The following PTPRG variants were observed in gnomAD, a reference collection of about 807,000 sequenced individuals.
PTPRG encodes protein tyrosine phosphatase receptor type G, also known as receptor-type tyrosine-protein phosphatase gamma.
In PTPRG, 102 loss-of-function variants were observed where a neutral mutation model predicts 165.3. The ratio of observed to expected loss-of-function variants is 0.62; its 90% CI spans 0.53 to 0.73. The LOEUF is 0.73. Ranked by LOEUF, PTPRG falls within the 30% of genes least tolerant of loss-of-function variation. The pLI, the probability that PTPRG is intolerant of heterozygous loss-of-function variation, is 0.00. For missense variants in PTPRG, 1,866 were observed against 1,861.4 expected (o/e 1.00, Z -0.05); for synonymous variants, 675 against 669.5 (o/e 1.01, Z -0.13).
At chr3:61,563,374 C>T (rs966432458) in intron 1 of PTPRG, among the ~76,000 whole-genome samples, 2 of 152,160 alleles carry the variant, frequency 1.3e-5, no homozygotes, top group African/African-American at 2.4e-5. Context: ...CGACCCTCCA[C>T]TTCCAGCTCT....
intron 2 of PTPRG, among the ~76,000 whole-genome samples, chr3:61,853,982 A>G (rs1559649968): frequency 6.6e-6 from 1 of 152,206 alleles, no homozygotes; most frequent in Non-Finnish European, 1.5e-5. Flanking sequence ...GGCCACATCA[A>G]AGTCCTTCCT....
intron 1 of PTPRG, among the ~76,000 whole-genome samples, chr3:61,687,986 A>C (rs1202129074): frequency 6.6e-6 from 1 of 152,166 alleles, no homozygotes; most frequent in Non-Finnish European, 1.5e-5. Context: ...AGCTTTTCCA[A>C]GTTTCTTAGC....
chr3:61,710,129 G>A (rs1189458050), intron 1 of PTPRG, among the ~76,000 whole-genome samples: 1 of 152,178 alleles, frequency 6.6e-6, no homozygotes, highest in African/African-American at 2.4e-5. Context: ...ACAAAATCAT[G>A]CACTAAGCAC....
At chr3:62,184,272 G>C (rs1047548619) in intron 8 of PTPRG, among the ~76,000 whole-genome samples, 5 of 152,168 alleles carry the variant, frequency 3.3e-5, no homozygotes, top group African/African-American at 1.2e-4. Context: ...ACTGGAGCTG[G>C]GGTCCTGCTT....
chr3:62,092,162 G>A (rs374942841), intron 5 of PTPRG, among the ~76,000 whole-genome samples: 2 of 148,948 alleles, frequency 1.3e-5, no homozygotes, highest in African/African-American at 5.0e-5. Flanking sequence ...AGGACCGGCC[G>A]GGTCCAGCTG....
In PTPRG at chr3:61,562,130, C is replaced by G. The variant is rs1311404052; in HGVS notation, c.-158C>G. ...TTTTCCGGGGGGCGCTCGGCGGCTT[C>G]CCGGATTCCAAGGGGACTCGGGCCG... is the stretch of plus-strand genomic sequence containing the variant. On this transcript the variant is annotated 5_prime_UTR_variant, in exon 1 of 30. Transcript: ENST00000474889. 1.0e-5 allele frequency: 5 copies of G among 477,468 alleles called. No homozygotes were observed. Among genetic ancestry groups the G allele is most frequent in the Non-Finnish European group, 1.9e-5 (5 of 261,028 alleles). The allele number at this position is 477,468 out of a possible 1,614,324, so 29.6% of individuals were successfully genotyped here. A position where few individuals can be genotyped will look rare whatever the true frequency, so the allele number is the denominator to read the frequency against.
At chr3:61,997,040 C>T (rs1036653579) in intron 3 of PTPRG, among the ~76,000 whole-genome samples, 1 of 152,210 alleles carries the variant, frequency 6.6e-6, no homozygotes, top group Non-Finnish European at 1.5e-5. Context: ...ACTCCTCCAT[C>T]TTTCGTGTCT....
intron 1 of PTPRG, among the ~76,000 whole-genome samples, chr3:61,704,941 A>G (rs1263904839): frequency 6.6e-6 from 1 of 152,194 alleles, no homozygotes; most frequent in African/African-American, 2.4e-5. Flanking sequence ...TTTGCAGCTC[A>G]GCTTCCCTGG....
intron 8 of PTPRG, among the ~76,000 whole-genome samples, chr3:62,181,206 T>C (rs1559612465): frequency 6.6e-6 from 1 of 152,160 alleles, no homozygotes; most frequent in African/African-American, 2.4e-5. Flanking sequence ...TGGGGGCAAC[T>C]CCGCACCAGG....
At position 61,737,640 on chromosome 3, in the gene PTPRG, G is replaced by T. The variant is rs77217865; in HGVS notation, c.86-11238G>T. ...TCAGAGGTCTTTGGTTTTACTCGGG[G>T]GAGAGTTTTGGAATGAGGTCCACCC... On this transcript the variant is annotated intron_variant, in intron 1 of 29. Transcript: ENST00000474889. Among the ~76,000 whole-genome samples, 1,218 of 152,122 alleles carry T rather than the reference G, an allele frequency of 8.0e-3. 23 individuals are homozygous for T. Among genetic ancestry groups the T allele is most frequent in the African/African-American group, 0.027 (1,138 of 41,502 alleles).
At chr3:61,957,005 A>G (rs941403670) in intron 2 of PTPRG, among the ~76,000 whole-genome samples, 3 of 152,180 alleles carry the variant, frequency 2.0e-5, no homozygotes, top group African/African-American at 7.2e-5. Context: ...AGTATTCCAC[A>G]TTAATATTAA....
chr3:62,256,007 C>T (rs776751749), intron 16 of PTPRG, among the ~76,000 whole-genome samples: 4 of 152,122 alleles, frequency 2.6e-5, no homozygotes, highest in Non-Finnish European at 5.9e-5. Flanking sequence ...TTAACTAAGG[C>T]ACATCTCTGG....
At position 62,281,710 on chromosome 3, in the gene PTPRG, G is replaced by C; in HGVS notation, c.3912+1G>C. On this transcript the variant is annotated splice_donor_variant, in intron 27 of 29. Coordinates refer to ENST00000474889, the MANE Select transcript of PTPRG (RefSeq NM_002841.4). LOFTEE classifies it high-confidence loss of function. ...TGACTTTATCCTTGAAGCTACACAG[G>C]TAACCTAAACCTCAGTTCCTCACTA... 1 of 1,609,664 alleles carries C rather than the reference G, an allele frequency of 6.2e-7. No homozygotes were observed. The highest frequency in any genetic ancestry group is 8.5e-7 in the Non-Finnish European group (1 of 1,177,662).
chr3:61,841,363 T>TTGCTC, intron 2 of PTPRG, among the ~76,000 whole-genome samples: 1 of 152,352 alleles, frequency 6.6e-6, no homozygotes, highest in South Asian at 2.1e-4. Flanking sequence ...TAAGAGCCTG[T>TTGCTC]TGCTCTCTTT....
intron 2 of PTPRG, among the ~76,000 whole-genome samples, chr3:61,869,289 C>G (rs1183044990): frequency 3.9e-5 from 6 of 152,084 alleles, no homozygotes; most frequent in African/African-American, 1.4e-4. Flanking sequence ...GGTACAAATC[C>G]TTGGGTGTGG....
chr3:61,973,192 T>C (rs1268812997), intron 2 of PTPRG, among the ~76,000 whole-genome samples: 1 of 152,234 alleles, frequency 6.6e-6, no homozygotes, highest in Non-Finnish European at 1.5e-5. Flanking sequence ...GGTTATTTTA[T>C]ATTGCAGCTT....
chr3:62,122,106 T>C (rs143568719), intron 5 of PTPRG, among the ~76,000 whole-genome samples: 83 of 152,312 alleles, frequency 5.4e-4, no homozygotes, highest in African/African-American at 2.0e-3. Flanking sequence ...TTTTGAGATG[T>C]TTGTCTACTT....
intron 2 of PTPRG, among the ~76,000 whole-genome samples, chr3:61,816,884 G>C (rs974115011): frequency 8.7e-5 from 13 of 149,764 alleles, no homozygotes; most frequent in African/African-American, 3.2e-4. Context: ...TTGACATGTA[G>C]CTTTTTGGTA....
intron 4 of PTPRG, among the ~76,000 whole-genome samples, chr3:62,025,275 A>C (rs2041780445): frequency 6.6e-6 from 1 of 152,218 alleles, no homozygotes; most frequent in South Asian, 2.1e-4. Context: ...TTTTTGATGC[A>C]GATGTGTTAA....
Sources: allele counts gnomAD v4.1 joint callset (sites outside exome capture counted in the v4.1 genomes callset), GRCh38; gene constraint gnomAD v4.1.1; transcripts MANE v1.5; gene names NCBI Gene and HGNC (gene_info 2026-07-23, HGNC 2026-07-21).